The following EML4 variants were observed in gnomAD, a reference collection of about 807,000 sequenced individuals.
EML4 encodes the protein EMAP like 4.
EML4 carries 72 observed loss-of-function variants against 129.0 expected under a neutral mutation model. The observed-to-expected ratio is 0.56, with a 90% CI of 0.46 to 0.68. EML4 has a LOEUF of 0.68. Ranked by LOEUF, EML4 falls within the 30% of genes least tolerant of loss-of-function variation. EML4 has a pLI of 0.00. For missense variants in EML4, 1,363 were observed against 1,190.6 expected, an observed-to-expected ratio of 1.14 and a Z score of -2.13; for synonymous variants, 532 against 405.0, an observed-to-expected ratio of 1.31 and a Z score of -3.77.
At chr2:42,170,638 A>G (rs1056622870) in intron 1 of EML4, among the ~76,000 whole-genome samples, 2 of 152,256 alleles carry the variant, frequency 1.3e-5, no homozygotes, top group Admixed American at 6.5e-5. Context: ...AAATCTAGTA[A>G]AAGATTAAGT....
chr2:42,213,401 AC>A (rs1196035298), intron 1 of EML4, among the ~76,000 whole-genome samples: 8 of 152,344 alleles, frequency 5.3e-5, no homozygotes, highest in Admixed American at 2.6e-4. Flanking sequence ...TTGTGTAGTT[AC>A]ATTTCCATAG....
At chr2:42,191,797 C>G (rs558421637) in intron 1 of EML4, among the ~76,000 whole-genome samples, 1 of 152,166 alleles carries the variant, frequency 6.6e-6, no homozygotes, top group Non-Finnish European at 1.5e-5. Context: ...TGGTGGCTCA[C>G]GCCTATAATC....
chr2:42,227,031 G>C (rs995323480), intron 1 of EML4, among the ~76,000 whole-genome samples: 6 of 152,134 alleles, frequency 3.9e-5, no homozygotes, highest in Non-Finnish European at 1.5e-5. Context: ...AGATTTTGTT[G>C]AGCCTTGTAC....
chr2:42,220,846 T>C (rs916248316), intron 1 of EML4, among the ~76,000 whole-genome samples: 1 of 152,196 alleles, frequency 6.6e-6, no homozygotes. Flanking sequence ...ATACGGAGAA[T>C]GTTTGCATGT....
chr2:42,216,352 C>G, intron 1 of EML4, among the ~76,000 whole-genome samples: 1 of 144,844 alleles, frequency 6.9e-6, no homozygotes, highest in East Asian at 2.1e-4. Flanking sequence ...AAGCGATTCT[C>G]CTGCCTCAGC....
chr2:42,250,849 C>T (rs1157890882), intron 2 of EML4, among the ~76,000 whole-genome samples: 3 of 152,214 alleles, frequency 2.0e-5, no homozygotes, highest in African/African-American at 7.2e-5. Flanking sequence ...AATGTAGAAT[C>T]GTTGGGAGCC....
At chr2:42,179,743 C>T (rs1670819620) in intron 1 of EML4, among the ~76,000 whole-genome samples, 1 of 152,176 alleles carries the variant, frequency 6.6e-6, no homozygotes, top group Non-Finnish European at 1.5e-5. Context: ...ACTGGGATTA[C>T]AGGCACATGC....
chr2:42,187,302 C>G (rs1040660565), intron 1 of EML4, among the ~76,000 whole-genome samples: 1 of 152,118 alleles, frequency 6.6e-6, no homozygotes, highest in Admixed American at 6.5e-5. Context: ...CCTGCTTCAG[C>G]TTCCCAAAGT....
chr2:42,264,857 G>A lies in EML4; in HGVS notation c.667+126G>A, dbSNP rs76761969. 2.1e-3 allele frequency: 3,173 copies of A among 1,495,934 alleles called. 62 individuals are homozygous for A. The African/African-American group carries it at 0.04, about 19-fold the overall frequency. The allele number at this position is 1,495,934 out of a possible 1,614,324, so 92.7% of individuals were successfully genotyped here. A position where few individuals can be genotyped will look rare whatever the true frequency, so the allele number is the denominator to read the frequency against. On this transcript the variant is annotated intron_variant, in intron 6 of 22. Transcript: ENST00000318522. The stretch of plus-strand genomic sequence containing the variant: ...AGTAATCAAAGAAAAGTGCGTTACT[G>A]TAGTCATTTAGGAAAAAACCCAGTT...
intron 19 of EML4, among the ~76,000 whole-genome samples, chr2:42,317,779 T>G (rs904009879): frequency 2.0e-5 from 3 of 152,238 alleles, no homozygotes; most frequent in Non-Finnish European, 2.9e-5. Flanking sequence ...TAAAGCTATT[T>G]CCATAGGAAA....
intron 1 of EML4, among the ~76,000 whole-genome samples, chr2:42,239,935 A>G (rs1674912624): frequency 6.6e-6 from 1 of 152,210 alleles, no homozygotes; most frequent in Non-Finnish European, 1.5e-5. Flanking sequence ...AAATAAGAGC[A>G]AAGTTTTCAA....
At chr2:42,202,840 C>T (rs1240103629) in intron 1 of EML4, among the ~76,000 whole-genome samples, 1 of 152,060 alleles carries the variant, frequency 6.6e-6, no homozygotes, top group African/African-American at 2.4e-5. Context: ...CACACCTGGG[C>T]AACGTAGCAA....
chr2:42,187,072 C>T (rs1027136076), intron 1 of EML4, among the ~76,000 whole-genome samples: 4 of 150,612 alleles, frequency 2.7e-5, no homozygotes, highest in Admixed American at 1.3e-4. Context: ...GGGACAGGGT[C>T]TTGCTCTGTT....
At chr2:42,276,929 A>G (rs78829289) in intron 6 of EML4, among the ~76,000 whole-genome samples, 2,191 of 152,272 alleles carry the variant, frequency 0.014, 58 homozygotes, top group African/African-American at 0.05. Context: ...CCATTTTTAT[A>G]TCATATCAGA....
intron 1 of EML4, among the ~76,000 whole-genome samples, chr2:42,211,733 G>GTT (rs575060669): frequency 4.6e-4 from 70 of 152,152 alleles, no homozygotes; most frequent in African/African-American, 1.7e-3. Context: ...TGTTGCCAAT[G>GTT]TTTTAAGTAG....
Position 42,326,269 on chromosome 2 carries a change from T to C in EML4, c.2341+17T>C, listed in dbSNP as rs1247084693. 1 of 1,561,918 alleles carries C rather than the reference T, an allele frequency of 6.4e-7. No homozygotes were observed. The highest frequency in any genetic ancestry group is 8.8e-7 in the Non-Finnish European group (1 of 1,139,610). ...AAGTATTTGGTAAGGAAATGACACC[T>C]GATGTAAAGAAGTGGTTTGTGGGTT... On this transcript the variant is annotated intron_variant, in intron 21 of 22. Transcript: ENST00000318522.
intron 1 of EML4, among the ~76,000 whole-genome samples, chr2:42,180,514 G>C (rs1298968715): frequency 6.6e-6 from 1 of 152,174 alleles, no homozygotes; most frequent in Non-Finnish European, 1.5e-5. Context: ...CTTACATGCA[G>C]CTTGTTTTAG....
intron 1 of EML4, among the ~76,000 whole-genome samples, chr2:42,207,138 A>G (rs977562482): frequency 2.0e-5 from 3 of 152,170 alleles, no homozygotes; most frequent in Non-Finnish European, 2.9e-5. Flanking sequence ...TTACATTCTA[A>G]AAGTTATTTT....
chr2:42,237,835 A>G (rs760489387), intron 1 of EML4, among the ~76,000 whole-genome samples: 7 of 152,324 alleles, frequency 4.6e-5, no homozygotes, highest in South Asian at 2.1e-4. Context: ...ACTACTCAAC[A>G]TGAGTTGAGT....
Sources: gnomAD v4.1 joint callset for allele counts (sites outside exome capture counted in the v4.1 genomes callset) on GRCh38, gnomAD v4.1.1 for gene constraint, MANE v1.5 for transcripts, NCBI Gene and HGNC (gene_info 2026-07-23, HGNC 2026-07-21) for gene names.